The following GPHN variants were observed in gnomAD, a reference collection of about 807,000 sequenced individuals.
GPHN encodes gephyrin.
GPHN carries 17 observed loss-of-function variants against 95.5 expected under a neutral mutation model. The observed-to-expected ratio is 0.18, with a 90% CI of 0.12 to 0.27. GPHN has a LOEUF of 0.27. Among genes scored for constraint, GPHN ranks in the 10% least tolerant of loss-of-function variants. The pLI, the probability that GPHN is intolerant of heterozygous loss-of-function variation, is 1.00. For missense variants in GPHN, 660 were observed against 978.1 expected (o/e 0.67, Z 4.34); for synonymous variants, 320 against 322.5 (o/e 0.99, Z 0.08).
the GPHN span, among the ~76,000 whole-genome samples, chr14:67,296,415 A>G: frequency 6.6e-6 from 1 of 151,988 alleles, no homozygotes; most frequent in East Asian, 1.9e-4. Context: ...CCTGGCTAAC[A>G]TGGTGAAATG....
chr14:67,249,471 C>T, the GPHN span, among the ~76,000 whole-genome samples: 1 of 152,184 alleles, frequency 6.6e-6, no homozygotes, highest in African/African-American at 2.4e-5. Context: ...TGACACATAG[C>T]AGATACTTAA....
chr14:67,116,374 GAAA>G (rs1419545650), intron 16 of GPHN, among the ~76,000 whole-genome samples: 3 of 151,840 alleles, frequency 2.0e-5, no homozygotes, highest in Admixed American at 2.0e-4. Flanking sequence ...AGAAAAGAGA[GAAA>G]AGAAAAGAAA....
intron 8 of GPHN, among the ~76,000 whole-genome samples, chr14:66,934,632 A>G (rs781413309): frequency 1.9e-4 from 29 of 152,228 alleles, no homozygotes; most frequent in Non-Finnish European, 3.7e-4. Context: ...CCTGCTGAAC[A>G]TGAATGAGGA....
intron 2 of GPHN, among the ~76,000 whole-genome samples, chr14:66,693,160 C>T (rs2067890196): frequency 6.6e-6 from 1 of 152,002 alleles, no homozygotes; most frequent in South Asian, 2.1e-4. Flanking sequence ...TCTATAATCT[C>T]TGGCTTAATA....
At chr14:67,656,592 GA>G in the GPHN span, 1 of 1,597,250 alleles carries the variant, frequency 6.3e-7, no homozygotes, top group Non-Finnish European at 8.5e-7. Context: ...AGCCGATTCT[GA>G]AAGAAGTATG....
chr14:67,369,872 A>C, the GPHN span, among the ~76,000 whole-genome samples: 65 of 152,318 alleles, frequency 4.3e-4, no homozygotes, highest in African/African-American at 1.4e-3. Flanking sequence ...GGAGACCCTA[A>C]CCCAGAGGCG....
the GPHN span, among the ~76,000 whole-genome samples, chr14:67,542,933 C>T: frequency 3.9e-5 from 6 of 152,100 alleles, no homozygotes; most frequent in Non-Finnish European, 8.8e-5. Context: ...CTCCCAACCT[C>T]AGGTGATCCT....
At chr14:67,141,816 C>G (rs187309138) in intron 17 of GPHN, among the ~76,000 whole-genome samples, 2 of 152,298 alleles carry the variant, frequency 1.3e-5, no homozygotes, top group East Asian at 3.9e-4. Context: ...AAATTATATC[C>G]TAGTTACAAA....
intron 1 of GPHN, among the ~76,000 whole-genome samples, chr14:66,560,674 A>T (rs1486435225): frequency 6.6e-6 from 1 of 152,334 alleles, no homozygotes; most frequent in South Asian, 2.1e-4. Flanking sequence ...ATATGCGATC[A>T]TGTCATCTGC....
At chr14:67,405,881 C>A in the GPHN span, among the ~76,000 whole-genome samples, 1 of 152,186 alleles carries the variant, frequency 6.6e-6, no homozygotes, top group African/African-American at 2.4e-5. Flanking sequence ...TGCAGCCTCA[C>A]GAGAGACCCT....
At chr14:67,551,643 C>A in the GPHN span, among the ~76,000 whole-genome samples, 1 of 152,176 alleles carries the variant, frequency 6.6e-6, no homozygotes, top group Admixed American at 6.5e-5. Flanking sequence ...AATCCCAGGA[C>A]TTAGGGAGGC....
At chr14:66,724,255 G>A (rs2153429786) in intron 2 of GPHN, among the ~76,000 whole-genome samples, 1 of 151,872 alleles carries the variant, frequency 6.6e-6, no homozygotes, top group South Asian at 2.1e-4. Context: ...GATTTTAATT[G>A]CCCTTCTGAT....
intron 5 of GPHN, among the ~76,000 whole-genome samples, chr14:66,886,344 A>G (rs1362424092): frequency 6.6e-6 from 1 of 152,126 alleles, no homozygotes; most frequent in East Asian, 1.9e-4. Context: ...AGCTATAAAA[A>G]CACTTGCAAA....
chr14:67,530,020 G>A, the GPHN span, among the ~76,000 whole-genome samples: 1 of 152,178 alleles, frequency 6.6e-6, no homozygotes, highest in African/African-American at 2.4e-5. Context: ...GGGATGGGAA[G>A]CAGGGTTTCT....
rs960898415 is a variant in GPHN at position 67,172,038 on chromosome 14, C to A, written c.2079+3002C>A. On this transcript the variant is annotated intron_variant, in intron 21 of 22. Coordinates refer to ENST00000478722, the MANE Select transcript of GPHN (RefSeq NM_020806.5). Reference sequence around the variant, plus strand: ...TAAAGGAGTCAACGCTATGCTCCAACCTCTGTGGCCTGTGCAACTACTGCA... The same window carrying A: ...TAAAGGAGTCAACGCTATGCTCCAAACTCTGTGGCCTGTGCAACTACTGCA... 8.5e-5 allele frequency among the ~76,000 whole-genome samples: 13 copies of A among 152,318 alleles called. No individual in the cohort carries two copies. The East Asian group carries it at 2.1e-3, about 25-fold the overall frequency.
intron 2 of GPHN, among the ~76,000 whole-genome samples, chr14:66,746,236 C>G (rs565317233): frequency 6.6e-6 from 1 of 152,216 alleles, no homozygotes; most frequent in South Asian, 2.1e-4. Flanking sequence ...GTATACTTAA[C>G]ATTATAAAAA....
chr14:67,200,446 C>T, the GPHN span: 1 of 447,492 alleles, frequency 2.2e-6, no homozygotes, highest in Non-Finnish European at 4.0e-6. Context: ...ACCCCCACCC[C>T]ATTCCCCTTT....
rs1265499934 is a variant in GPHN, at chr14:67,063,605, A to C, written c.1144+4819A>C. 3.3e-5 allele frequency among the ~76,000 whole-genome samples: 5 copies of C among 152,050 alleles called. No homozygotes were observed. The South Asian group carries it at 1.0e-3, about 32-fold the overall frequency. ...ATTTGTTTGTGTCCTCTTTTATTTC[A>C]TTGAGCAGTAATTTGTAGTTCTCCT... On this transcript the variant is annotated intron_variant, in intron 11 of 22. Transcript: ENST00000478722.
At chr14:67,146,654 C>T (rs1373726763) in intron 18 of GPHN, among the ~76,000 whole-genome samples, 1 of 152,174 alleles carries the variant, frequency 6.6e-6, no homozygotes, top group Non-Finnish European at 1.5e-5. Flanking sequence ...GAGGTTTGCC[C>T]AGTTATTTAG....
Sources: allele counts gnomAD v4.1 joint callset (sites outside exome capture counted in the v4.1 genomes callset), GRCh38; gene constraint gnomAD v4.1.1; transcripts MANE v1.5; gene names NCBI Gene and HGNC (gene_info 2026-07-23, HGNC 2026-07-21).